VSTM1: variants seen among roughly 807,000 people sequenced by gnomAD.
VSTM1 encodes the protein V-set and transmembrane domain-containing protein 1.
In VSTM1, 27 loss-of-function variants were observed where a neutral mutation model predicts 33.1. That is an observed-to-expected ratio of 0.82 (90% CI 0.60 to 1.12). VSTM1 has a LOEUF of 1.12. Among genes scored for constraint, VSTM1 ranks in the 50% most tolerant of loss-of-function variants. The pLI is 0.00. For synonymous variants in VSTM1, 115 were observed against 110.3 expected (o/e 1.04, Z -0.27); for missense variants, 304 against 288.9 (o/e 1.05, Z -0.38).
Position 54,054,212 on chromosome 19 carries a change from G to A in VSTM1, c.356-2764C>T, listed in dbSNP as rs1042004608. On this transcript the variant is annotated intron_variant, in intron 3 of 8. Coordinates refer to ENST00000338372, the MANE Select transcript of VSTM1 (RefSeq NM_198481.4). Reference sequence around the variant, plus strand: ...TCTTGTGATGTAATGGTACAGCTGCGATAGAGGTGAAGAAATCAGGAAACA... The same window carrying A: ...TCTTGTGATGTAATGGTACAGCTGCAATAGAGGTGAAGAAATCAGGAAACA... 9.1e-5 allele frequency among the ~76,000 whole-genome samples: 13 copies of A among 142,216 alleles called. 1 individual carries two copies. The highest frequency in any genetic ancestry group is 3.1e-4 in the African/African-American group (12 of 38,542). The allele number at this position is 142,216 out of a possible 152,430, so 93.3% of individuals were successfully genotyped here.
Position 54,040,869 on chromosome 19 carries a change from G to A in VSTM1, c.*92C>T. On this transcript the variant is annotated 3_prime_UTR_variant, in exon 9 of 9. Transcript: ENST00000338372. The stretch of plus-strand genomic sequence containing the variant: ...ACTTAATTTTATTGATATGGACGAA[G>A]AGCAAGGAAACACAGTATCTGCATC... 1 of 1,495,630 alleles carries A rather than the reference G, an allele frequency of 6.7e-7. No homozygotes were observed. Among genetic ancestry groups the A allele is most frequent in the Non-Finnish European group, 9.0e-7 (1 of 1,116,516 alleles). 92.6% of individuals were successfully genotyped at this position (1,495,630 alleles called of 1,614,324 possible).
intron 4 of VSTM1, among the ~76,000 whole-genome samples, chr19:54,044,518 T>C (rs749559114): frequency 3.3e-5 from 5 of 151,978 alleles, no homozygotes; most frequent in Non-Finnish European, 5.9e-5. Context: ...CGAGATCGCA[T>C]CACTGCATCA....
rs1368410832 is a variant in VSTM1 at position 54,051,561 on chromosome 19, G to C, written c.356-113C>G. On this transcript the variant is annotated intron_variant, in intron 3 of 8. Coordinates refer to ENST00000338372, the MANE Select transcript of VSTM1 (RefSeq NM_198481.4). Reference sequence around the variant, plus strand: ...CTGTTCTTCTTTGGGAAGCAGAAAAGAGAATGGCTTCTCCATTCCCTAGAT... The same window carrying C: ...CTGTTCTTCTTTGGGAAGCAGAAAACAGAATGGCTTCTCCATTCCCTAGAT... The C allele has an allele frequency of 5.1e-6, 4 of 781,008 alleles. No homozygotes were observed. In the Admixed American group the frequency reaches 1.3e-4, roughly 26 times the overall value. The allele number at this position is 781,008 out of a possible 1,614,324, so 48.4% of individuals were successfully genotyped here. A position where few individuals can be genotyped will look rare whatever the true frequency, so the allele number is the denominator to read the frequency against.
chr19:54,058,896 A>G (rs1225094918), intron 1 of VSTM1, among the ~76,000 whole-genome samples, 164 bp from the exon 2 acceptor site: 1 of 148,094 alleles, frequency 6.8e-6, no homozygotes, highest in Non-Finnish European at 1.5e-5. Flanking sequence ...TACACATATT[A>G]CATATAATAC....
chr19:54,044,421 A>G (rs372952714), intron 4 of VSTM1, among the ~76,000 whole-genome samples: 2 of 152,060 alleles, frequency 1.3e-5, no homozygotes, highest in Non-Finnish European at 2.9e-5. Flanking sequence ...TAAGCTGGGC[A>G]TGGTGGCGCA....
intron 1 of VSTM1, among the ~76,000 whole-genome samples, chr19:54,060,207 G>A (rs932278528): frequency 4.0e-5 from 6 of 151,850 alleles, no homozygotes; most frequent in South Asian, 2.1e-4. Flanking sequence ...CCCCTTCCCC[G>A]TGTCTTCTGG....
At chr19:54,063,459 G>A (rs1486243043) in intron 1 of VSTM1, among the ~76,000 whole-genome samples, 2 of 152,188 alleles carry the variant, frequency 1.3e-5, no homozygotes, top group Admixed American at 1.3e-4. Flanking sequence ...TTCCGACGGA[G>A]GATGATGGCA....
rs547095305 is a variant in VSTM1, at chr19:54,057,963, G to A, written c.355+343C>T. 5.9e-5 allele frequency among the ~76,000 whole-genome samples: 9 copies of A among 152,022 alleles called. No individual in the cohort carries two copies. In the South Asian group the frequency reaches 1.5e-3, roughly 25 times the overall value. On this transcript the variant is annotated intron_variant, in intron 3 of 8. Transcript: ENST00000338372. ...TTATTAAAAATACAAAAATTAGGCC[G>A]GGCGCGGTGGCTCATGCCTGTAATC...
At chr19:54,059,854 T>A (rs79127130) in intron 1 of VSTM1, among the ~76,000 whole-genome samples, 17 of 150,262 alleles carry the variant, frequency 1.1e-4, no homozygotes, top group East Asian at 7.9e-4. Context: ...TTTTTTTTTT[T>A]TTTTATTTTT....
intron 3 of VSTM1, chr19:54,055,366 A>G (rs1345976116): frequency 7.0e-6 from 1 of 142,610 alleles, no homozygotes; most frequent in Non-Finnish European, 1.5e-5. Flanking sequence ...TCTATGAGCA[A>G]AAAGAAGTTA....
At chr19:54,058,202 T>G in intron 3 of VSTM1, 104 bp downstream of exon 3, 1 of 1,268,472 alleles carries the variant, frequency 7.9e-7, no homozygotes, top group South Asian at 1.5e-5. Flanking sequence ...ATCGTGCCAC[T>G]GCACTCCAGC....
Position 54,042,376 on chromosome 19 carries a change from G to C in VSTM1, c.395-7C>G, listed in dbSNP as rs755689564. 3 of 1,612,618 alleles carry C rather than the reference G, an allele frequency of 1.9e-6. No homozygotes were observed. The highest frequency in any genetic ancestry group is 2.7e-5 in the African/African-American group (2 of 74,874). On this transcript the variant is annotated splice_region_variant and splice_polypyrimidine_tract_variant and intron_variant, in intron 4 of 8. Coordinates refer to ENST00000338372, the MANE Select transcript of VSTM1 (RefSeq NM_198481.4). ...ACAAAGATGGTTCTGGTGTCTGGAG[G>C]GGGAAGAGCAGGTCAGGGAATCAGC... is the stretch of plus-strand genomic sequence containing the variant.
intron 3 of VSTM1, 108 bp from the exon 4 acceptor site, chr19:54,051,556 G>A: frequency 1.2e-6 from 1 of 848,124 alleles, no homozygotes; most frequent in Middle Eastern, 2.6e-4. Flanking sequence ...TTGGGAAGCA[G>A]AAAAGAGAAT....
rs760440938 is a variant in VSTM1 at position 54,058,601 on chromosome 19, T to A, written c.71-11A>T. 5 of 1,612,910 alleles carry A rather than the reference T, an allele frequency of 3.1e-6. No homozygotes were observed. The highest frequency in any genetic ancestry group is 2.2e-5 in the East Asian group (1 of 44,846). On this transcript the variant is annotated splice_polypyrimidine_tract_variant and intron_variant, in intron 2 of 8. Transcript: ENST00000338372. The stretch of plus-strand genomic sequence containing the variant: ...GCTTGGGCGGTTTCTCTGGAAACAA[T>A]TCAGAGTTAATTTGAGTCTAGAATT...
At chr19:54,062,436 C>T (rs2071437462) in intron 1 of VSTM1, among the ~76,000 whole-genome samples, 2 of 151,954 alleles carry the variant, frequency 1.3e-5, no homozygotes, top group Admixed American at 1.3e-4. Context: ...CTCTAAGGCA[C>T]AAATAGCCGG....
chr19:54,041,552 C>T (rs561698021), intron 8 of VSTM1, among the ~76,000 whole-genome samples: 5 of 152,272 alleles, frequency 3.3e-5, no homozygotes, highest in African/African-American at 4.8e-5. Context: ...CCGCCCGCCT[C>T]GGCCTCCCAA....
intron 1 of VSTM1, among the ~76,000 whole-genome samples, chr19:54,062,445 G>T (rs1442268888): frequency 6.6e-6 from 1 of 152,066 alleles, no homozygotes; most frequent in Admixed American, 6.6e-5. Flanking sequence ...ACAAATAGCC[G>T]GGTGCAGTGG....
At chr19:54,051,844 T>C (rs1219346449) in intron 3 of VSTM1, among the ~76,000 whole-genome samples, 2 of 152,038 alleles carry the variant, frequency 1.3e-5, no homozygotes, top group Non-Finnish European at 2.9e-5. Context: ...CACTGCAACC[T>C]CCGCCTCCCG....
intron 8 of VSTM1, 119 bp from the exon 9 acceptor site, chr19:54,041,199 G>A (rs896465632): frequency 1.4e-5 from 15 of 1,056,178 alleles, no homozygotes; most frequent in Non-Finnish European, 1.9e-5. Flanking sequence ...CCAGGTCCTC[G>A]GTCACACCAG....
Sources: allele counts gnomAD v4.1 joint callset (sites outside exome capture counted in the v4.1 genomes callset), GRCh38; gene constraint gnomAD v4.1.1; transcripts MANE v1.5; gene names NCBI Gene and HGNC (gene_info 2026-07-23, HGNC 2026-07-21).